CSMD3: variants seen among roughly 807,000 people sequenced by gnomAD.
CSMD3 encodes CUB and sushi domain-containing protein 3.
CSMD3 carries 177 observed loss-of-function variants against 435.2 expected under a neutral mutation model. That is an observed-to-expected ratio of 0.41 (90% confidence interval 0.36 to 0.46). The LOEUF (loss-of-function observed/expected upper bound fraction) is 0.46, where lower values mean the gene tolerates loss of function less well. Ranked by LOEUF, CSMD3 falls within the 20% of genes least tolerant of loss-of-function variation. The pLI is 0.34. For synonymous variants in CSMD3, 1,656 were observed against 1,520.5 expected (o/e 1.09, Z -2.07); for missense variants, 4,265 against 4,504.6 (o/e 0.95, Z 1.52).
intron 7 of CSMD3, among the ~76,000 whole-genome samples, chr8:112,963,035 G>C (rs1227698803): frequency 6.6e-6 from 1 of 151,974 alleles, no homozygotes; most frequent in African/African-American, 2.4e-5. Context: ...TCTATCAACA[G>C]ACTCCCTTAA....
chr8:112,699,490 T>A (rs749811812), intron 13 of CSMD3, among the ~76,000 whole-genome samples: 2 of 152,168 alleles, frequency 1.3e-5, no homozygotes, highest in Non-Finnish European at 2.9e-5. Context: ...AACTAACATC[T>A]GGCAACCATC....
At chr8:112,334,212 T>G (rs2130939886) in intron 45 of CSMD3, among the ~76,000 whole-genome samples, 1 of 152,282 alleles carries the variant, frequency 6.6e-6, no homozygotes, top group East Asian at 1.9e-4. Context: ...TGGCAGTGGA[T>G]CACTATGGAG....
chr8:112,583,592 G>A (rs974749655), intron 23 of CSMD3, among the ~76,000 whole-genome samples: 1 of 151,774 alleles, frequency 6.6e-6, no homozygotes, highest in Non-Finnish European at 1.5e-5. Context: ...TAAGTAAGTA[G>A]CACACAAGAA....
intron 22 of CSMD3, among the ~76,000 whole-genome samples, chr8:112,589,097 A>T (rs569066860): frequency 6.6e-6 from 1 of 152,292 alleles, no homozygotes; most frequent in Admixed American, 6.5e-5. Context: ...CTCTGTAATA[A>T]ACTGACACAA....
chr8:112,889,540 T>C (rs1469386055), intron 10 of CSMD3, among the ~76,000 whole-genome samples: 3 of 151,620 alleles, frequency 2.0e-5, no homozygotes, highest in Non-Finnish European at 4.4e-5. Flanking sequence ...GCAGCACCTA[T>C]GGAAATGTGT....
intron 45 of CSMD3, among the ~76,000 whole-genome samples, chr8:112,320,284 T>A (rs1015469000): frequency 1.3e-5 from 2 of 152,076 alleles, no homozygotes; most frequent in Non-Finnish European, 2.9e-5. Flanking sequence ...GAATTACGTA[T>A]TCATGTTTGC....
chr8:112,542,771 A>G (rs1382700661), intron 27 of CSMD3, among the ~76,000 whole-genome samples: 1 of 152,130 alleles, frequency 6.6e-6, no homozygotes, highest in Non-Finnish European at 1.5e-5. Flanking sequence ...CAGTTTTGCA[A>G]AAGAATAAAA....
chr8:113,276,668 G>T (rs541975359), intron 3 of CSMD3, among the ~76,000 whole-genome samples: 2 of 151,970 alleles, frequency 1.3e-5, no homozygotes, highest in East Asian at 1.9e-4. Flanking sequence ...AATCAGCAAA[G>T]AACACCAGGA....
chr8:113,352,524 T>C (rs2094196806), intron 1 of CSMD3, among the ~76,000 whole-genome samples: 1 of 152,154 alleles, frequency 6.6e-6, no homozygotes, highest in East Asian at 1.9e-4. Context: ...TTTGTTACTC[T>C]AAGAAACAAC....
At chr8:112,265,652 A>C (rs1816876640) in intron 59 of CSMD3, 62 bp from the exon 60 acceptor site, 1 of 1,148,710 alleles carries the variant, frequency 8.7e-7, no homozygotes, top group Non-Finnish European at 1.3e-6. Flanking sequence ...GGAGAGGAGT[A>C]GTAAGCATAT....
At chr8:112,380,635 TG>T (rs1483986930) in intron 37 of CSMD3, among the ~76,000 whole-genome samples, 179 bp from the exon 38 acceptor site, 1 of 152,174 alleles carries the variant, frequency 6.6e-6, no homozygotes, top group Non-Finnish European at 1.5e-5. Flanking sequence ...ATACTATTCC[TG>T]TTTCCAAGAA....
intron 59 of CSMD3, among the ~76,000 whole-genome samples, chr8:112,279,285 G>T (rs1818400667): frequency 6.6e-6 from 1 of 152,212 alleles, no homozygotes; most frequent in South Asian, 2.1e-4. Context: ...ACAGTTATAT[G>T]AGGAGATACC....
At chr8:113,236,364 T>G (rs1183266945) in intron 3 of CSMD3, among the ~76,000 whole-genome samples, 3 of 152,178 alleles carry the variant, frequency 2.0e-5, no homozygotes, top group Non-Finnish European at 4.4e-5. Context: ...TAAACTTCTT[T>G]GCTTACTCTT....
chr8:112,793,955 T>C (rs915512649), intron 13 of CSMD3, among the ~76,000 whole-genome samples: 1 of 152,112 alleles, frequency 6.6e-6, no homozygotes, highest in African/African-American at 2.4e-5. Context: ...AACAAATGTG[T>C]TTATCAGGGT....
intron 27 of CSMD3, among the ~76,000 whole-genome samples, chr8:112,527,024 T>C (rs1167262160): frequency 6.6e-6 from 1 of 151,230 alleles, no homozygotes; most frequent in East Asian, 1.9e-4. Context: ...GAGAAAAAAA[T>C]GATGGTAAGA....
chr8:112,302,211 TC>T (rs202123606), intron 52 of CSMD3, among the ~76,000 whole-genome samples: 1 of 129,144 alleles, frequency 7.7e-6, no homozygotes, highest in African/African-American at 3.0e-5. Flanking sequence ...TCTTTTTTTT[TC>T]ATTTTTTTTT....
chr8:112,665,536 G>A (rs2131702726), intron 17 of CSMD3, among the ~76,000 whole-genome samples: 1 of 152,152 alleles, frequency 6.6e-6, no homozygotes. Context: ...ATATTCTGCT[G>A]TACTTATATG....
At chr8:112,965,418 C>T (rs2084380646) in intron 7 of CSMD3, among the ~76,000 whole-genome samples, 1 of 151,340 alleles carries the variant, frequency 6.6e-6, no homozygotes, top group South Asian at 2.1e-4. Context: ...TAAAAATAAG[C>T]TAACAAGATA....
In CSMD3 at chr8:113,314,592, T is replaced by A; in HGVS notation, c.380A>T (p.His127Leu). 6.2e-7 allele frequency: 1 copy of A among 1,601,708 alleles called. No homozygotes were observed. Among genetic ancestry groups the A allele is most frequent in the Non-Finnish European group, 8.6e-7 (1 of 1,168,908 alleles). The change falls in exon 2 of 71, where the codon CAT becomes CTT. Residue 127 changes from histidine to leucine, a missense_variant. By Grantham distance (99) the His-to-Leu change is moderately conservative. Around this residue, in one of 3 missense-constraint regions of CSMD3, gnomAD observed 731 missense variants for 755.4 expected, o/e 0.97. Coordinates refer to ENST00000297405, the MANE Select transcript of CSMD3 (RefSeq NM_198123.2). ...TAACCTTGTCCTAAAGTTTGTAGGA[T>A]GAGGATGTCCATCATATAATGATAA... is the stretch of plus-strand genomic sequence containing the variant. ...DYLSLYDGHP[H>L]PTNFRTRLTG...
Sources: gnomAD v4.1 joint callset for allele counts (sites outside exome capture counted in the v4.1 genomes callset) on GRCh38, gnomAD v4.1.1 for gene constraint, gnomAD v4.1.1 regional missense constraint, MANE v1.5 for transcripts, NCBI Gene and HGNC (gene_info 2026-07-23, HGNC 2026-07-21) for gene names.